Variants in CHST11 observed in about 807,000 individuals in gnomAD.
CHST11 encodes C4S-1.
CHST11 carries 9 observed loss-of-function variants against 30.4 expected under a neutral mutation model. That is an observed-to-expected ratio of 0.30 (90% CI 0.18 to 0.52). CHST11 has a LOEUF of 0.52. Among genes scored for constraint, CHST11 ranks in the 20% least tolerant of loss-of-function variants. The pLI, the probability that CHST11 is intolerant of heterozygous loss-of-function variation, is 0.97. For missense variants in CHST11, 348 were observed against 460.6 expected (o/e 0.76, Z 2.24); for synonymous variants, 152 against 187.8 (o/e 0.81, Z 1.56).
intron 1 of CHST11, among the ~76,000 whole-genome samples, chr12:104,460,382 G>A (rs1213549617): frequency 6.6e-6 from 1 of 152,162 alleles, no homozygotes; most frequent in Admixed American, 6.5e-5. Flanking sequence ...AAAAAAGGAA[G>A]GCAGGGCGCG....
intron 2 of CHST11, among the ~76,000 whole-genome samples, chr12:104,606,505 C>T (rs891512184): frequency 2.6e-5 from 4 of 152,200 alleles, no homozygotes; most frequent in South Asian, 2.1e-4. Flanking sequence ...CCAGTAACCC[C>T]GTTTTTTAGT....
At chr12:104,473,775 C>T (rs1593954180) in intron 1 of CHST11, among the ~76,000 whole-genome samples, 1 of 152,032 alleles carries the variant, frequency 6.6e-6, no homozygotes, top group Non-Finnish European at 1.5e-5. Context: ...GTGCTTGGTA[C>T]AAAGCTGAGG....
At chr12:104,690,960 T>TGGCCAGCATCAAAGACTGGTC (rs2039891227) in intron 2 of CHST11, among the ~76,000 whole-genome samples, 1 of 152,252 alleles carries the variant, frequency 6.6e-6, no homozygotes, top group African/African-American at 2.4e-5. Context: ...GAATCATCTT[T>TGGCCAGCATCAAAGACTGGTC]GGCCAGCATC....
At chr12:104,496,413 T>C (rs1360839082) in intron 1 of CHST11, among the ~76,000 whole-genome samples, 1 of 152,268 alleles carries the variant, frequency 6.6e-6, no homozygotes, top group Non-Finnish European at 1.5e-5. Context: ...CCAGAGGCCT[T>C]TAGGCACTGT....
intron 2 of CHST11, among the ~76,000 whole-genome samples, chr12:104,721,159 G>A (rs2040172889): frequency 1.3e-5 from 2 of 152,236 alleles, no homozygotes. Context: ...AGCTGGGTTT[G>A]GGCCTGGCCC....
intron 1 of CHST11, among the ~76,000 whole-genome samples, chr12:104,494,918 C>G (rs2037785786): frequency 6.6e-6 from 1 of 152,118 alleles, no homozygotes; most frequent in African/African-American, 2.4e-5. Context: ...ATCTCCAGAA[C>G]TTTTTTGTTT....
intron 2 of CHST11, among the ~76,000 whole-genome samples, chr12:104,609,170 T>A (rs1391824451): frequency 6.6e-6 from 1 of 152,228 alleles, no homozygotes; most frequent in Non-Finnish European, 1.5e-5. Context: ...ATTAATCCCT[T>A]ATTTACCAAC....
At position 104,457,111 on chromosome 12, in the gene CHST11, C is replaced by T. The variant is rs369364629; in HGVS notation, c.-301C>T. The T allele has an allele frequency of 1.7e-5, 4 of 237,788 alleles. No individual in the cohort carries two copies. Among genetic ancestry groups the T allele is most frequent in the South Asian group, 3.1e-4 (2 of 6,538 alleles). The allele number at this position is 237,788 out of a possible 1,614,324, so 14.7% of individuals were successfully genotyped here. On this transcript the variant is annotated 5_prime_UTR_variant, in exon 1 of 3. Coordinates refer to ENST00000303694, the MANE Select transcript of CHST11 (RefSeq NM_018413.6). ...GCACCCCAGCCGCCCGGCCCGCGAC[C>T]AGGCAGCGGCGGCCGCCGGCGGGAT... is the stretch of plus-strand genomic sequence containing the variant.
At chr12:104,482,477 C>T (rs1274819738) in intron 1 of CHST11, among the ~76,000 whole-genome samples, 3 of 152,136 alleles carry the variant, frequency 2.0e-5, no homozygotes, top group African/African-American at 4.8e-5. Context: ...TTTCCTAGAC[C>T]ATGTGGCCAC....
At chr12:104,656,653 A>G (rs981728852) in intron 2 of CHST11, among the ~76,000 whole-genome samples, 4 of 152,230 alleles carry the variant, frequency 2.6e-5, no homozygotes, top group Admixed American at 6.5e-5. Context: ...ACGCACAAGT[A>G]GCCCCTGCCG....
At chr12:104,735,667 G>A (rs889572332) in intron 2 of CHST11, among the ~76,000 whole-genome samples, 3 of 152,326 alleles carry the variant, frequency 2.0e-5, no homozygotes, top group South Asian at 2.1e-4. Context: ...GCAAGAAAGC[G>A]CAGTACTTCT....
rs113885912 is a variant in CHST11 at position 104,729,791 on chromosome 12, G to A, written c.205-27158G>A. Among the ~76,000 whole-genome samples the A allele has an allele frequency of 9.8e-3, 1,492 of 152,292 alleles. 10 individuals are homozygous for A. Among genetic ancestry groups the A allele is most frequent in the Middle Eastern group, 0.02 (6 of 294 alleles). ...CTGGGGCAGAGGTCTGCGGAGAGTA[G>A]GTTGGGTTTAGAAAAATGAAGAGGA... On this transcript the variant is annotated intron_variant, in intron 2 of 2. Coordinates refer to ENST00000303694, the MANE Select transcript of CHST11 (RefSeq NM_018413.6). This position sits in a 1 kb window ranked among gnomAD's most constrained non-coding sequence, Gnocchi z 4.0.
intron 1 of CHST11, among the ~76,000 whole-genome samples, chr12:104,528,011 C>T (rs1380781228): frequency 6.6e-6 from 1 of 152,194 alleles, no homozygotes; most frequent in East Asian, 1.9e-4. Context: ...CACCAGGTTC[C>T]TCCCTTGACA....
At chr12:104,660,294 A>G (rs1419565704) in intron 2 of CHST11, among the ~76,000 whole-genome samples, 1 of 152,118 alleles carries the variant, frequency 6.6e-6, no homozygotes, top group Non-Finnish European at 1.5e-5. Context: ...TTCGTTCCCA[A>G]AGCTCAGGGA....
chr12:104,523,041 A>G (rs1027972183), intron 1 of CHST11, among the ~76,000 whole-genome samples: 1 of 152,256 alleles, frequency 6.6e-6, no homozygotes, highest in African/African-American at 2.4e-5. Context: ...AGAAGCTGTG[A>G]TGCTTGACTA....
chr12:104,661,770 C>T (rs1402691036), intron 2 of CHST11, among the ~76,000 whole-genome samples: 1 of 152,160 alleles, frequency 6.6e-6, no homozygotes, highest in Non-Finnish European at 1.5e-5. Flanking sequence ...GGTTTCCTAG[C>T]AGCCACATGA....
At chr12:104,547,722 T>C (rs1265399380) in intron 1 of CHST11, among the ~76,000 whole-genome samples, 1 of 152,240 alleles carries the variant, frequency 6.6e-6, no homozygotes, top group Non-Finnish European at 1.5e-5. Context: ...TGTGTGGTCC[T>C]GGGCAAATTC....
chr12:104,536,567 T>A (rs1179874911), intron 1 of CHST11, among the ~76,000 whole-genome samples: 1 of 152,178 alleles, frequency 6.6e-6, no homozygotes, highest in Non-Finnish European at 1.5e-5. Flanking sequence ...CTTCCTTTGA[T>A]CGGGAGGAGT....
chr12:104,583,423 G>A (rs188725765), intron 1 of CHST11, among the ~76,000 whole-genome samples: 25 of 152,198 alleles, frequency 1.6e-4, no homozygotes, highest in Admixed American at 5.9e-4. Flanking sequence ...GAGATTGGGG[G>A]ACCGTGGGCG....
Sources: gnomAD v4.1 joint callset for allele counts (sites outside exome capture counted in the v4.1 genomes callset) on GRCh38, gnomAD v4.1.1 for gene constraint, Gnocchi (gnomAD v3.1) non-coding constraint, MANE v1.5 for transcripts, NCBI Gene and HGNC (gene_info 2026-07-23, HGNC 2026-07-21) for gene names.